Variants in NSMCE2 observed in about 807,000 individuals in gnomAD.
NSMCE2 encodes the protein E3 SUMO-protein ligase NSE2.
NSMCE2 carries 24 observed loss-of-function variants against 23.8 expected under a neutral mutation model. The ratio of observed to expected loss-of-function variants is 1.01; its 90% confidence interval spans 0.73 to 1.42. The LOEUF (loss-of-function observed/expected upper bound fraction) is 1.42. Among genes scored for constraint, NSMCE2 ranks in the 40% most tolerant of loss-of-function variants. NSMCE2 has a pLI of 0.00. For missense variants in NSMCE2, 284 were observed against 296.5 expected, an observed-to-expected ratio of 0.96 and a Z score of 0.31; for synonymous variants, 92 against 94.1, an observed-to-expected ratio of 0.98 and a Z score of 0.13.
rs532118839 is a variant in NSMCE2, at chr8:125,255,810, C to G, written c.418+73554C>G. ...TGTTTTAGACAAATCCTTCTATCAG[C>G]AGTGGGGAAGGTGGATTTCAGGGTA... On this transcript the variant is annotated intron_variant, in intron 5 of 7. Transcript: ENST00000287437. 5.3e-5 allele frequency among the ~76,000 whole-genome samples: 8 copies of G among 152,210 alleles called. No individual in the cohort carries two copies. In the South Asian group the frequency reaches 1.7e-3, roughly 32 times the overall value.
intron 5 of NSMCE2, among the ~76,000 whole-genome samples, chr8:125,205,125 A>G (rs993087287): frequency 6.6e-6 from 1 of 152,152 alleles, no homozygotes; most frequent in African/African-American, 2.4e-5. Context: ...TTCATGGACT[A>G]TTCTACCCCT....
intron 4 of NSMCE2, among the ~76,000 whole-genome samples, chr8:125,159,116 C>T (rs940124502): frequency 6.6e-6 from 1 of 152,186 alleles, no homozygotes; most frequent in Non-Finnish European, 1.5e-5. Flanking sequence ...AGGGTGAGTA[C>T]AGTACAATAA....
intron 3 of NSMCE2, among the ~76,000 whole-genome samples, chr8:125,128,398 A>T (rs1370326051): frequency 6.6e-6 from 1 of 152,128 alleles, no homozygotes; most frequent in Non-Finnish European, 1.5e-5. Flanking sequence ...TAAAAGACAA[A>T]GGAGGAGTAA....
intron 5 of NSMCE2, among the ~76,000 whole-genome samples, chr8:125,334,634 C>T (rs1351022278): frequency 6.6e-6 from 1 of 151,956 alleles, no homozygotes; most frequent in Non-Finnish European, 1.5e-5. Context: ...TATAGTCAAT[C>T]TGGAAAGGCT....
chr8:125,340,041 G>T, intron 5 of NSMCE2, among the ~76,000 whole-genome samples: 1 of 136,836 alleles, frequency 7.3e-6, no homozygotes. Flanking sequence ...TTGAGACGGA[G>T]TCTCGCTCTG....
intron 3 of NSMCE2, among the ~76,000 whole-genome samples, chr8:125,138,483 C>T (rs941370381): frequency 4.6e-5 from 7 of 151,438 alleles, no homozygotes; most frequent in Non-Finnish European, 5.9e-5. Flanking sequence ...GCCTTGGCTT[C>T]TCAAAGTGCT....
At chr8:125,126,124 T>C (rs781261808) in intron 3 of NSMCE2, among the ~76,000 whole-genome samples, 1 of 152,168 alleles carries the variant, frequency 6.6e-6, no homozygotes, top group Non-Finnish European at 1.5e-5. Flanking sequence ...GACTCACACC[T>C]GTAATTCCAG....
At chr8:125,300,242 C>T (rs897602272) in intron 5 of NSMCE2, among the ~76,000 whole-genome samples, 3 of 151,678 alleles carry the variant, frequency 2.0e-5, no homozygotes, top group Non-Finnish European at 2.9e-5. Flanking sequence ...CATCATGGCT[C>T]ACTGCAGTCT....
intron 7 of NSMCE2, among the ~76,000 whole-genome samples, chr8:125,359,761 C>T (rs1361924048): frequency 6.6e-6 from 1 of 152,160 alleles, no homozygotes; most frequent in African/African-American, 2.4e-5. Context: ...CAGTAGGGCT[C>T]AGTAAAATTA....
chr8:125,253,829 T>C (rs1202820806), intron 5 of NSMCE2, among the ~76,000 whole-genome samples: 2 of 152,200 alleles, frequency 1.3e-5, no homozygotes, highest in Non-Finnish European at 2.9e-5. Flanking sequence ...AAAGAAAAAG[T>C]TTATTCCTTT....
intron 4 of NSMCE2, among the ~76,000 whole-genome samples, chr8:125,164,686 G>A (rs1014705456): frequency 6.6e-6 from 1 of 152,088 alleles, no homozygotes; most frequent in Non-Finnish European, 1.5e-5. Context: ...AAAACTTTGT[G>A]TTATATTTTT....
intron 5 of NSMCE2, among the ~76,000 whole-genome samples, chr8:125,186,065 C>T (rs1339544447): frequency 3.3e-5 from 5 of 152,152 alleles, no homozygotes; most frequent in East Asian, 1.9e-4. Context: ...CAGCCTGCCT[C>T]CTGATTTTCT....
At chr8:125,287,539 T>A (rs949651302) in intron 5 of NSMCE2, among the ~76,000 whole-genome samples, 6 of 152,138 alleles carry the variant, frequency 3.9e-5, no homozygotes, top group Non-Finnish European at 5.9e-5. Context: ...GTAAGACAAC[T>A]TTCTCCTCCA....
intron 4 of NSMCE2, among the ~76,000 whole-genome samples, chr8:125,155,802 A>G (rs1292443845): frequency 2.0e-5 from 3 of 152,180 alleles, no homozygotes; most frequent in Middle Eastern, 3.2e-3. Context: ...CCTCACGTCC[A>G]TTTTTAGGTA....
intron 5 of NSMCE2, among the ~76,000 whole-genome samples, chr8:125,272,754 C>CAT (rs1827262467): frequency 7.1e-6 from 1 of 139,936 alleles, no homozygotes; most frequent in African/African-American, 2.7e-5. Flanking sequence ...TATATACACA[C>CAT]GTATATATAT....
At chr8:125,148,166 A>G (rs1267429049) in intron 3 of NSMCE2, among the ~76,000 whole-genome samples, 2 of 152,080 alleles carry the variant, frequency 1.3e-5, no homozygotes, top group African/African-American at 4.8e-5. Flanking sequence ...GCTTGTCCCA[A>G]CATTCTTGGG....
intron 5 of NSMCE2, among the ~76,000 whole-genome samples, chr8:125,184,679 A>G (rs1436653543): frequency 6.6e-6 from 1 of 152,136 alleles, no homozygotes; most frequent in Non-Finnish European, 1.5e-5. Flanking sequence ...TATTATTAAT[A>G]TAATACTTGT....
At chr8:125,124,716 G>A (rs576536325) in intron 3 of NSMCE2, among the ~76,000 whole-genome samples, 2 of 152,210 alleles carry the variant, frequency 1.3e-5, no homozygotes, top group East Asian at 1.9e-4. Context: ...GGGGTCAAGC[G>A]ATCCTCCTGC....
At chr8:125,208,458 A>G (rs1459240883) in intron 5 of NSMCE2, among the ~76,000 whole-genome samples, 1 of 152,250 alleles carries the variant, frequency 6.6e-6, no homozygotes, top group Non-Finnish European at 1.5e-5. Context: ...TAAAATTTAT[A>G]CCCAACAAAT....
Sources: allele counts gnomAD v4.1 joint callset (sites outside exome capture counted in the v4.1 genomes callset), GRCh38; gene constraint gnomAD v4.1.1; transcripts MANE v1.5; gene names NCBI Gene and HGNC (gene_info 2026-07-23, HGNC 2026-07-21).